MINDY2: variants seen among roughly 807,000 people sequenced by gnomAD.
MINDY2 encodes ubiquitin carboxyl-terminal hydrolase MINDY-2.
Under a neutral mutation model 68.2 loss-of-function variants are expected in MINDY2, and 52 were observed. That is an observed-to-expected ratio of 0.76 (90% CI 0.61 to 0.96). The LOEUF (loss-of-function observed/expected upper bound fraction) is 0.96. MINDY2 is among the 40% of genes least tolerant of loss of function. MINDY2 has a pLI of 0.00. For missense variants in MINDY2, 881 were observed against 773.4 expected (o/e 1.14, Z -1.65); for synonymous variants, 372 against 303.0 (o/e 1.23, Z -2.36).
At chr15:58,824,683 T>G (rs1479539729) in intron 5 of MINDY2, among the ~76,000 whole-genome samples, 1 of 151,026 alleles carries the variant, frequency 6.6e-6, no homozygotes, top group African/African-American at 2.4e-5. Context: ...TTTTTTTTTT[T>G]TTTTTTGAGA....
intron 4 of MINDY2, among the ~76,000 whole-genome samples, chr15:58,820,133 G>A (rs1241118565): frequency 6.6e-6 from 1 of 152,114 alleles, no homozygotes; most frequent in African/African-American, 2.4e-5. Context: ...GGGCATGGTG[G>A]CGTGCACCTG....
At chr15:58,848,602 C>T (rs4775097) in intron 7 of MINDY2, among the ~76,000 whole-genome samples, 85,242 of 151,770 alleles carry the variant, frequency 0.56, 26,015 homozygotes, top group Middle Eastern at 0.73. Context: ...ATCAATTATC[C>T]GGGCATGGTG....
intron 6 of MINDY2, 139 bp downstream of exon 6, chr15:58,832,055 T>C (rs1462125365): frequency 8.4e-6 from 6 of 717,062 alleles, no homozygotes; most frequent in Non-Finnish European, 1.1e-5. Flanking sequence ...AATTATTAAA[T>C]ACAGTACTTC....
chr15:58,796,571 C>G (rs1272570668), intron 2 of MINDY2, among the ~76,000 whole-genome samples: 1 of 152,228 alleles, frequency 6.6e-6, no homozygotes, highest in Non-Finnish European at 1.5e-5. Context: ...GTTGCCCAAG[C>G]TGGAGTGCAG....
chr15:58,777,625 CT>C (rs1166759915), intron 1 of MINDY2, among the ~76,000 whole-genome samples: 22 of 151,270 alleles, frequency 1.5e-4, no homozygotes, highest in Admixed American at 9.9e-4. Flanking sequence ...GAAAAAAAAA[CT>C]TTTTTTTAAT....
chr15:58,775,581 C>T (rs546250570), intron 1 of MINDY2, among the ~76,000 whole-genome samples: 8 of 152,244 alleles, frequency 5.3e-5, no homozygotes, highest in Admixed American at 1.3e-4. Context: ...GTTCTTTGTC[C>T]CCCTCTTTGA....
chr15:58,801,380 TAAAAAAAA>T (rs1188514448), intron 2 of MINDY2, among the ~76,000 whole-genome samples: 5 of 22,592 alleles, frequency 2.2e-4, no homozygotes, highest in Admixed American at 9.7e-4. Context: ...CCCCATCTCT[TAAAAAAAA>T]AAAAAAAAAA....
chr15:58,781,791 T>C (rs1237991591), intron 1 of MINDY2, among the ~76,000 whole-genome samples: 2 of 151,974 alleles, frequency 1.3e-5, no homozygotes, highest in African/African-American at 4.8e-5. Flanking sequence ...TAATCCCAGC[T>C]ACTCGGGAGG....
rs1265125965 is a variant in MINDY2, at chr15:58,852,943, TTTTTTTTTTTTTTTTTTTTTTTTTTTTAA to T, written c.1737+979_1737+1007del. On this transcript the variant is annotated intron_variant, in intron 8 of 8. Transcript: ENST00000559228. ...TCCTGTTTTTTTTTTTTTTTTTTTT[TTTTTTTTTTTTTTTTTTTTTTTTTTTTAA>T]GACAGAGTCTCACTCTGTTGCCCAG... Among the ~76,000 whole-genome samples the T allele has an allele frequency of 6.2e-3, 178 of 28,844 alleles. 6 individuals carry two copies. In the South Asian group the frequency reaches 0.072, roughly 12 times the overall value. The allele number at this position is 28,844 out of a possible 152,430, so 18.9% of individuals were successfully genotyped here.
chr15:58,850,371 A>G (rs969791677), intron 7 of MINDY2, among the ~76,000 whole-genome samples: 7 of 152,194 alleles, frequency 4.6e-5, no homozygotes, highest in African/African-American at 1.4e-4. Flanking sequence ...ACTAAGTGGA[A>G]AAGAAAACAT....
At chr15:58,777,106 G>T (rs1290049802) in intron 1 of MINDY2, among the ~76,000 whole-genome samples, 3 of 152,156 alleles carry the variant, frequency 2.0e-5, no homozygotes, top group African/African-American at 7.2e-5. Context: ...TTAGTAGCAT[G>T]AATAAATTGA....
intron 1 of MINDY2, among the ~76,000 whole-genome samples, chr15:58,787,549 A>G (rs1483103411): frequency 6.6e-6 from 1 of 151,962 alleles, no homozygotes; most frequent in Admixed American, 6.6e-5. Flanking sequence ...CATCCTGGCT[A>G]ACAGGTAGAA....
chr15:58,804,961 C>T (rs1902917665), intron 3 of MINDY2, among the ~76,000 whole-genome samples: 1 of 152,046 alleles, frequency 6.6e-6, no homozygotes, highest in Non-Finnish European at 1.5e-5. Context: ...AAGACTCCAT[C>T]TCAAAAAATT....
intron 1 of MINDY2, among the ~76,000 whole-genome samples, chr15:58,774,358 C>T (rs1384420833): frequency 2.0e-5 from 3 of 151,926 alleles, no homozygotes; most frequent in African/African-American, 4.8e-5. Flanking sequence ...GTGGTGGGCA[C>T]CTGTAATCCC....
chr15:58,832,023 T>G, intron 6 of MINDY2, 107 bp downstream of exon 6: 1 of 997,648 alleles, frequency 1.0e-6, no homozygotes, highest in Non-Finnish European at 1.4e-6. Flanking sequence ...GTAATATTTC[T>G]TAACCATCAA....
chr15:58,852,287 C>CAAAAAAAAAAAAAAAGAAAAAA (rs2032856107), intron 8 of MINDY2, among the ~76,000 whole-genome samples: 1 of 61,932 alleles, frequency 1.6e-5, no homozygotes, highest in Non-Finnish European at 2.8e-5. Flanking sequence ...GACTCCTTCT[C>CAAAAAAAAAAAAAAAGAAAAAA]AAAAAAAAAA....
chr15:58,803,292 C>G (rs1427180431), intron 3 of MINDY2, among the ~76,000 whole-genome samples: 1 of 149,290 alleles, frequency 6.7e-6, no homozygotes, highest in Non-Finnish European at 1.5e-5. Context: ...TGGTGAAACC[C>G]CATTTCTACT....
At chr15:58,777,624 A>G (rs1425027733) in intron 1 of MINDY2, among the ~76,000 whole-genome samples, 1 of 152,092 alleles carries the variant, frequency 6.6e-6, no homozygotes, top group East Asian at 1.9e-4. Flanking sequence ...AGAAAAAAAA[A>G]CTTTTTTTTA....
chr15:58,828,938 A>G (rs922035905), intron 5 of MINDY2, among the ~76,000 whole-genome samples: 1 of 152,186 alleles, frequency 6.6e-6, no homozygotes, highest in Non-Finnish European at 1.5e-5. Flanking sequence ...ATTTTCATGA[A>G]TAATACTCTA....
Sources: allele counts gnomAD v4.1 joint callset (sites outside exome capture counted in the v4.1 genomes callset), GRCh38; gene constraint gnomAD v4.1.1; transcripts MANE v1.5; gene names NCBI Gene and HGNC (gene_info 2026-07-23, HGNC 2026-07-21).